DPH6: variants seen among roughly 807,000 people sequenced by gnomAD.
The protein encoded by DPH6 is diphthamine biosynthesis 6.
Under a neutral mutation model 38.2 loss-of-function variants are expected in DPH6, and 33 were observed. The observed-to-expected ratio is 0.86, with a 90% confidence interval of 0.65 to 1.15. The LOEUF is 1.15. DPH6 is among the 50% of genes most tolerant of loss of function. The pLI, the probability that DPH6 is intolerant of heterozygous loss-of-function variation, is 0.00. For synonymous variants in DPH6, 108 were observed against 103.0 expected (o/e 1.05, Z -0.30); for missense variants, 325 against 320.0 (o/e 1.02, Z -0.12).
intron 6 of DPH6, among the ~76,000 whole-genome samples, chr15:35,383,014 T>C (rs1455612200): frequency 6.6e-6 from 1 of 152,192 alleles, no homozygotes; most frequent in Non-Finnish European, 1.5e-5. Flanking sequence ...TTCTACTCTA[T>C]GCTATTCACC....
At chr15:35,401,735 C>T (rs2053222634) in intron 6 of DPH6, 1 of 718,714 alleles carries the variant, frequency 1.4e-6, no homozygotes. Flanking sequence ...GTTCCAGTAG[C>T]AGCGGTAGCT....
intron 3 of DPH6, among the ~76,000 whole-genome samples, chr15:35,513,342 C>T (rs1442695572): frequency 6.6e-6 from 1 of 151,728 alleles, no homozygotes; most frequent in Non-Finnish European, 1.5e-5. Context: ...TGGGTGAGTA[C>T]GCTGTAAGGT....
chr15:35,383,986 G>A (rs1386033875), intron 6 of DPH6, among the ~76,000 whole-genome samples: 1 of 152,196 alleles, frequency 6.6e-6, no homozygotes, highest in African/African-American at 2.4e-5. Context: ...GGTATGTGAA[G>A]CATCCAGATG....
intron 3 of DPH6, among the ~76,000 whole-genome samples, chr15:35,360,921 C>T (rs2052608905): frequency 1.3e-5 from 2 of 152,110 alleles, no homozygotes; most frequent in Non-Finnish European, 2.9e-5. Context: ...ATATCTCCTA[C>T]CAGGTCCTTG....
intron 3 of DPH6, among the ~76,000 whole-genome samples, chr15:35,254,013 T>G (rs377407332): frequency 6.6e-6 from 1 of 152,182 alleles, no homozygotes; most frequent in South Asian, 2.1e-4. Context: ...ATTTGTTGAT[T>G]TGAATATCAA....
intron 6 of DPH6, among the ~76,000 whole-genome samples, chr15:35,410,465 T>C (rs1351353004): frequency 6.6e-6 from 1 of 151,720 alleles, no homozygotes; most frequent in African/African-American, 2.4e-5. Context: ...AGGGGTTACA[T>C]TAATCTCTAA....
At chr15:35,280,706 G>A (rs2051892802) in intron 3 of DPH6, among the ~76,000 whole-genome samples, 2 of 152,134 alleles carry the variant, frequency 1.3e-5, no homozygotes, top group South Asian at 4.1e-4. Flanking sequence ...AAAACCTAAT[G>A]CATTATTAAG....
intron 3 of DPH6, among the ~76,000 whole-genome samples, chr15:35,285,367 G>T (rs1237345378): frequency 6.6e-6 from 1 of 152,070 alleles, no homozygotes; most frequent in African/African-American, 2.4e-5. Flanking sequence ...AAACATGGGG[G>T]CGGGTCTTTC....
chr15:35,328,846 A>T (rs981790829), downstream of DPH6, among the ~76,000 whole-genome samples: 3 of 152,230 alleles, frequency 2.0e-5, no homozygotes, highest in African/African-American at 7.2e-5. Context: ...TTACAGTTCC[A>T]CGTGGCTGGG....
chr15:35,193,507 T>C, the DPH6 span, among the ~76,000 whole-genome samples: 1 of 152,188 alleles, frequency 6.6e-6, no homozygotes, highest in Non-Finnish European at 1.5e-5. Flanking sequence ...TGTCACTTAT[T>C]AATCTAGATG....
At chr15:35,299,085 G>T in intron 3 of DPH6, 1 of 790,616 alleles carries the variant, frequency 1.3e-6, no homozygotes, top group South Asian at 1.6e-5. Context: ...AGCTCCCGCT[G>T]TCTTTGTCCT....
At chr15:35,352,968 CCATT>C (rs752549237) in intron 3 of DPH6, among the ~76,000 whole-genome samples, 9 of 152,290 alleles carry the variant, frequency 5.9e-5, no homozygotes, top group Non-Finnish European at 1.3e-4. Flanking sequence ...TCAATGATCG[CCATT>C]CAAACTGGTG....
In DPH6 at chr15:35,308,142, G is replaced by A. The variant is rs866568600; in HGVS notation, n.200+65379C>T. 3.0e-4 allele frequency among the ~76,000 whole-genome samples: 46 copies of A among 152,046 alleles called. No homozygotes were observed. In the Middle Eastern group the frequency reaches 0.01, roughly 34 times the overall value. ...AAATTAGCTGGATGTGGTGGCGTGC[G>A]CCTGTAGTCCCTGCTACTCAGGAAG... On this transcript the variant is annotated intron_variant and non_coding_transcript_variant, in intron 3 of 3. Transcript: ENST00000560386.
In DPH6 at chr15:35,450,779, A is replaced by C. The variant is rs773630188; in HGVS notation, c.411T>G (p.Pro137=). 6.2e-7 allele frequency: 1 copy of C among 1,611,662 alleles called. No homozygotes were observed. The highest frequency in any genetic ancestry group is 8.5e-7 in the Non-Finnish European group (1 of 1,179,112). The change falls in exon 5 of 9, where the codon CCT becomes CCG. Residue 137 remains proline, a synonymous_variant. Transcript: ENST00000256538. ...GGTTTCTCTGCCAAAGATAAGCTAA[A>C]GGCTGGAGATTAAGCCTTTTACACC... ...ENVCKRLNLQ[P]LAYLWQRNQE... is the part of the protein sequence containing the mutation.
At chr15:35,382,460 C>G (rs999847662) in intron 6 of DPH6, among the ~76,000 whole-genome samples, 1 of 152,062 alleles carries the variant, frequency 6.6e-6, no homozygotes, top group South Asian at 2.1e-4. Context: ...AACACACACA[C>G]ACACACACAC....
At chr15:35,374,576 A>G (rs1472767529) in intron 7 of DPH6, among the ~76,000 whole-genome samples, 1 of 152,150 alleles carries the variant, frequency 6.6e-6, no homozygotes, top group Non-Finnish European at 1.5e-5. Context: ...TGAAAGATCA[A>G]GAAAAAAGTA....
chr15:35,376,436 A>T (rs1171135949), intron 7 of DPH6, among the ~76,000 whole-genome samples: 1 of 152,100 alleles, frequency 6.6e-6, no homozygotes, highest in Non-Finnish European at 1.5e-5. Context: ...GTGCCATAAG[A>T]TCATAATGGA....
At chr15:35,193,189 G>A in the DPH6 span, among the ~76,000 whole-genome samples, 1 of 151,878 alleles carries the variant, frequency 6.6e-6, no homozygotes, top group Non-Finnish European at 1.5e-5. Flanking sequence ...AAATGTGTAT[G>A]GGAAATAACA....
chr15:35,306,745 AAATAGGTTACCTCCCTC>A (rs1372252179), intron 3 of DPH6, among the ~76,000 whole-genome samples: 3 of 152,170 alleles, frequency 2.0e-5, no homozygotes, highest in Non-Finnish European at 2.9e-5. Context: ...CTTTATCTCC[AAATAGGTTACCTCCCTC>A]AGTAAAGTTC....
Sources: allele counts gnomAD v4.1 joint callset (sites outside exome capture counted in the v4.1 genomes callset), GRCh38; gene constraint gnomAD v4.1.1; transcripts MANE v1.5; gene names NCBI Gene and HGNC (gene_info 2026-07-23, HGNC 2026-07-21).